Variants in TOX3 observed in about 807,000 individuals in gnomAD.
TOX3 encodes the protein CAG trinucleotide repeat-containing gene F9 protein.
TOX3 carries 22 observed loss-of-function variants against 64.3 expected under a neutral mutation model. That is an observed-to-expected ratio of 0.34 (90% CI 0.24 to 0.49). The LOEUF (loss-of-function observed/expected upper bound fraction) is 0.49. TOX3 is among the 20% of genes least tolerant of loss of function. The pLI, the probability that TOX3 is intolerant of heterozygous loss-of-function variation, is 0.99. For missense variants in TOX3, 661 were observed against 714.4 expected (o/e 0.93, Z 0.85); for synonymous variants, 291 against 273.6 (o/e 1.06, Z -0.63).
chr16:52,451,310 T>C (rs187291707), intron 3 of TOX3, among the ~76,000 whole-genome samples: 12 of 152,352 alleles, frequency 7.9e-5, no homozygotes, highest in Admixed American at 4.6e-4. Context: ...CTAATGAATT[T>C]CTTCATAAAT....
chr16:52,467,541 G>A (rs1960903410), intron 2 of TOX3, among the ~76,000 whole-genome samples: 5 of 151,870 alleles, frequency 3.3e-5, no homozygotes, highest in Admixed American at 3.3e-4. Context: ...TCATTCTCTG[G>A]GGTCAAGCTA....
At chr16:52,451,232 T>C (rs1412319951) in intron 3 of TOX3, among the ~76,000 whole-genome samples, 1 of 152,220 alleles carries the variant, frequency 6.6e-6, no homozygotes, top group African/African-American at 2.4e-5. Context: ...GTCTTTTGGA[T>C]TGGATATCAC....
intron 1 of TOX3, among the ~76,000 whole-genome samples, chr16:52,518,023 T>C (rs1962503037): frequency 6.6e-6 from 1 of 152,184 alleles, no homozygotes; most frequent in African/African-American, 2.4e-5. Context: ...CTGATAATGT[T>C]GAACCACCCC....
rs186326393 is a variant in TOX3 at position 52,464,952 on chromosome 16, C to T, written c.154-764G>A. Among the ~76,000 whole-genome samples the T allele has an allele frequency of 1.2e-3, 176 of 146,530 alleles. 2 individuals carry two copies. The highest frequency in any genetic ancestry group is 4.3e-3 in the African/African-American group (170 of 39,596). ...AATACTAACTAGATTTGATGCTGTT[C>T]GCTTACTTAGAGAAGTATTATATCT... On this transcript the variant is annotated intron_variant, in intron 2 of 6. Transcript: ENST00000219746.
chr16:52,446,737 C>T (rs1418971655), intron 4 of TOX3, among the ~76,000 whole-genome samples: 1 of 151,788 alleles, frequency 6.6e-6, no homozygotes, highest in Admixed American at 6.6e-5. Context: ...GCTAATGGCT[C>T]TCCAGAAATT....
At chr16:52,517,889 A>G (rs1962499638) in intron 1 of TOX3, among the ~76,000 whole-genome samples, 1 of 152,196 alleles carries the variant, frequency 6.6e-6, no homozygotes, top group Admixed American at 6.5e-5. Flanking sequence ...TTTTGCTTCT[A>G]AAAACAAAGT....
In TOX3 at chr16:52,439,346, G is replaced by A; in HGVS notation, c.1610C>T (p.Ala537Val). The A allele has an allele frequency of 6.2e-7, 1 of 1,612,516 alleles. No individual in the cohort carries two copies. The highest frequency in any genetic ancestry group is 8.5e-7 in the Non-Finnish European group (1 of 1,179,110). The change falls in exon 7 of 7, where the codon GCC (alanine) becomes GTC (valine). Residue 537 changes from alanine to valine, a missense_variant. Around this residue, in one of 3 missense-constraint regions of TOX3, gnomAD observed 299 missense variants for 292.1 expected, o/e 1.02. Coordinates refer to ENST00000219746, the MANE Select transcript of TOX3 (RefSeq NM_001080430.4). ...QPSPRQHSPV[A>V]SQITSPIPAI... The stretch of plus-strand genomic sequence containing the variant: ...AGGGATGGGGGATGTTATCTGAGAG[G>A]CGACAGGGGAGTGCTGCCGAGGAGA...
rs2151745469 is a variant in TOX3 at position 52,449,801 on chromosome 16, A to G, written c.678+476T>C. Among the ~76,000 whole-genome samples, 4 of 152,392 alleles carry G rather than the reference A, an allele frequency of 2.6e-5. No homozygotes were observed. The South Asian group carries it at 8.3e-4, about 32-fold the overall frequency. Reference sequence around the variant, plus strand: ...TTCAAATTATACATTTCCCATGACAAAGGCAAAAATGTAAGATGAAGAGAA... The same window carrying G: ...TTCAAATTATACATTTCCCATGACAGAGGCAAAAATGTAAGATGAAGAGAA... On this transcript the variant is annotated intron_variant, in intron 4 of 6. Transcript: ENST00000219746.
At chr16:52,494,321 C>G (rs1961779991) in intron 1 of TOX3, among the ~76,000 whole-genome samples, 1 of 152,188 alleles carries the variant, frequency 6.6e-6, no homozygotes, top group African/African-American at 2.4e-5. Flanking sequence ...TCCACCTTCT[C>G]TATGTCCCGT....
At chr16:52,534,285 G>A (rs1384636907) in intron 1 of TOX3, among the ~76,000 whole-genome samples, 1 of 152,144 alleles carries the variant, frequency 6.6e-6, no homozygotes, top group Non-Finnish European at 1.5e-5. Context: ...GGGGGCAGAG[G>A]AGATTAGGTA....
intron 3 of TOX3, 136 bp from the exon 4 acceptor site, chr16:52,450,682 T>G: frequency 9.2e-7 from 1 of 1,082,872 alleles, no homozygotes; most frequent in Non-Finnish European, 1.3e-6. Flanking sequence ...GATGATGGTC[T>G]CCGTTCATTT....
chr16:52,444,271 T>G lies in TOX3; in HGVS notation c.987+5A>C. On this transcript the variant is annotated splice_donor_5th_base_variant and intron_variant, in intron 6 of 6. Coordinates refer to ENST00000219746, the MANE Select transcript of TOX3 (RefSeq NM_001080430.4). ...TGGAGCCTGGCCGCCCCTGCCCAGGTTTACCTTAGAAACGAGGCTGGCCCT... is the reference window on the plus strand; with the variant it reads ...TGGAGCCTGGCCGCCCCTGCCCAGGGTTACCTTAGAAACGAGGCTGGCCCT... 1 of 1,564,402 alleles carries G rather than the reference T, an allele frequency of 6.4e-7. No individual in the cohort carries two copies. The highest frequency in any genetic ancestry group is 8.7e-7 in the Non-Finnish European group (1 of 1,150,316).
intron 1 of TOX3, among the ~76,000 whole-genome samples, chr16:52,497,709 A>ATG (rs540331310): frequency 7.6e-4 from 115 of 152,142 alleles, no homozygotes; most frequent in Non-Finnish European, 1.1e-3. Context: ...TAATAGCCCA[A>ATG]TGTTCAGATT....
chr16:52,494,606 C>T lies in TOX3; in HGVS notation c.88-26032G>A, dbSNP rs989671152. ...TACATTTGTTAGATTACTCTGTGCC[C>T]CTCTTGTCCTTCAAGTCTCTGATTA... On this transcript the variant is annotated intron_variant, in intron 1 of 6. Coordinates refer to ENST00000219746, the MANE Select transcript of TOX3 (RefSeq NM_001080430.4). Among the ~76,000 whole-genome samples, 3 of 152,268 alleles carry T rather than the reference C, an allele frequency of 2.0e-5. 1 individual carries two copies.
chr16:52,539,300 C>T (rs548652376), intron 1 of TOX3, among the ~76,000 whole-genome samples: 2 of 152,086 alleles, frequency 1.3e-5, no homozygotes, highest in Non-Finnish European at 2.9e-5. Context: ...AACACACACT[C>T]CTTGTTTATG....
At chr16:52,449,535 A>G (rs3095611) in intron 4 of TOX3, among the ~76,000 whole-genome samples, 1 of 152,068 alleles carries the variant, frequency 6.6e-6, no homozygotes, top group Non-Finnish European at 1.5e-5. Flanking sequence ...CTAATCACAT[A>G]TGGAGCTAGT....
chr16:52,516,576 G>T (rs1462767552), intron 1 of TOX3, among the ~76,000 whole-genome samples: 1 of 152,036 alleles, frequency 6.6e-6, no homozygotes, highest in Non-Finnish European at 1.5e-5. Context: ...TACTGATAAT[G>T]ACTTCATGTG....
intron 1 of TOX3, among the ~76,000 whole-genome samples, chr16:52,477,075 T>G (rs1217988571): frequency 3.3e-5 from 5 of 152,160 alleles, no homozygotes; most frequent in Non-Finnish European, 1.5e-5. Flanking sequence ...TCCCATCATC[T>G]AGGTACTGAG....
chr16:52,473,430 C>T (rs1309902763), intron 1 of TOX3, among the ~76,000 whole-genome samples: 6 of 152,152 alleles, frequency 3.9e-5, no homozygotes, highest in Non-Finnish European at 8.8e-5. Context: ...TAGCAGACAC[C>T]ATCCAACTTG....
Sources: gnomAD v4.1 joint callset for allele counts (sites outside exome capture counted in the v4.1 genomes callset) on GRCh38, gnomAD v4.1.1 for gene constraint, gnomAD v4.1.1 regional missense constraint, MANE v1.5 for transcripts, NCBI Gene and HGNC (gene_info 2026-07-23, HGNC 2026-07-21) for gene names.